CCDC91: variants seen among roughly 807,000 people sequenced by gnomAD.
CCDC91 encodes the protein coiled-coil domain containing 91, also known as coiled-coil domain-containing protein 91.
CCDC91 carries 48 observed loss-of-function variants against 63.2 expected under a neutral mutation model. The ratio of observed to expected loss-of-function variants is 0.76; its 90% confidence interval spans 0.60 to 0.97. The LOEUF (loss-of-function observed/expected upper bound fraction) is 0.97, where lower values mean the gene tolerates loss of function less well. Ranked by LOEUF, CCDC91 falls within the 50% of genes least tolerant of loss-of-function variation. CCDC91 has a pLI of 0.00. For missense variants in CCDC91, 500 were observed against 494.6 expected, an observed-to-expected ratio of 1.01 and a Z score of -0.10; for synonymous variants, 167 against 165.8, an observed-to-expected ratio of 1.01 and a Z score of -0.06.
At chr12:28,287,891 G>T (rs1165986725) in intron 3 of CCDC91, among the ~76,000 whole-genome samples, 2 of 152,106 alleles carry the variant, frequency 1.3e-5, no homozygotes, top group African/African-American at 2.4e-5. Flanking sequence ...GCAGTGTTTT[G>T]TATTTCTCAT....
At chr12:28,429,410 C>T (rs1948508377) in intron 8 of CCDC91, among the ~76,000 whole-genome samples, 1 of 152,014 alleles carries the variant, frequency 6.6e-6, no homozygotes, top group African/African-American at 2.4e-5. Flanking sequence ...TTCAATGTAC[C>T]AGGCAACATA....
At chr12:28,523,036 A>G (rs1940885144) in intron 12 of CCDC91, among the ~76,000 whole-genome samples, 1 of 152,198 alleles carries the variant, frequency 6.6e-6, no homozygotes, top group South Asian at 2.1e-4. Context: ...GTTGCTGAGA[A>G]GAATGTATAT....
At chr12:28,311,923 C>T (rs1939370995) in intron 6 of CCDC91, among the ~76,000 whole-genome samples, 1 of 152,016 alleles carries the variant, frequency 6.6e-6, no homozygotes, top group African/African-American at 2.4e-5. Context: ...ACTCACAGAA[C>T]TCACTGCTTT....
intron 12 of CCDC91, among the ~76,000 whole-genome samples, chr12:28,532,702 T>A (rs1227419395): frequency 6.6e-6 from 1 of 152,096 alleles, no homozygotes; most frequent in African/African-American, 2.4e-5. Context: ...AAACTCCATG[T>A]TTTATAACTA....
At chr12:28,325,992 T>A (rs1272016499) in intron 6 of CCDC91, among the ~76,000 whole-genome samples, 1 of 152,176 alleles carries the variant, frequency 6.6e-6, no homozygotes, top group Non-Finnish European at 1.5e-5. Context: ...AACAAGTATA[T>A]TCCTTGCATA....
At chr12:28,518,508 T>A (rs1455929019) in intron 12 of CCDC91, among the ~76,000 whole-genome samples, 2 of 152,074 alleles carry the variant, frequency 1.3e-5, no homozygotes, top group Non-Finnish European at 2.9e-5. Context: ...TCTTTGTTTT[T>A]TTCTTACTAA....
chr12:28,218,936 G>A (rs1156958631), intron 1 of CCDC91, among the ~76,000 whole-genome samples: 4 of 152,130 alleles, frequency 2.6e-5, no homozygotes, highest in Admixed American at 2.6e-4. Flanking sequence ...AGGTCTTTAT[G>A]TGGACATATG....
intron 8 of CCDC91, among the ~76,000 whole-genome samples, chr12:28,425,352 C>T (rs1299511021): frequency 6.6e-6 from 1 of 152,084 alleles, no homozygotes; most frequent in Non-Finnish European, 1.5e-5. Flanking sequence ...AGACACTTTT[C>T]CCCCTTCTCA....
chr12:28,230,798 AT>A (rs574807369), intron 1 of CCDC91, among the ~76,000 whole-genome samples: 94 of 151,782 alleles, frequency 6.2e-4, no homozygotes, highest in African/African-American at 2.2e-3. Flanking sequence ...TACATTTTGT[AT>A]TTTTTTGTAG....
chr12:28,443,015 T>C (rs1261451622), intron 8 of CCDC91, among the ~76,000 whole-genome samples: 4 of 152,006 alleles, frequency 2.6e-5, no homozygotes, highest in Non-Finnish European at 5.9e-5. Flanking sequence ...TGTATATGGA[T>C]TGTATGTTAT....
At chr12:28,325,847 ATAT>A (rs1449734470) in intron 6 of CCDC91, among the ~76,000 whole-genome samples, 1 of 152,038 alleles carries the variant, frequency 6.6e-6, no homozygotes, top group Non-Finnish European at 1.5e-5. Flanking sequence ...TATTTAGGAA[ATAT>A]TATTCTATTT....
At chr12:28,303,296 C>T (rs149235812) in intron 3 of CCDC91, among the ~76,000 whole-genome samples, 2 of 152,164 alleles carry the variant, frequency 1.3e-5, no homozygotes, top group South Asian at 2.1e-4. Context: ...TAGTATGGTA[C>T]TAGCTAGTAT....
At chr12:28,490,136 A>G (rs186778639) in intron 12 of CCDC91, among the ~76,000 whole-genome samples, 1 of 151,934 alleles carries the variant, frequency 6.6e-6, no homozygotes, top group East Asian at 1.9e-4. Context: ...CGCTTTCCTG[A>G]CATTTCCCAT....
chr12:28,468,781 A>G (rs773732085), intron 11 of CCDC91, among the ~76,000 whole-genome samples: 3 of 152,132 alleles, frequency 2.0e-5, no homozygotes, highest in Non-Finnish European at 4.4e-5. Context: ...AGGACGGTTA[A>G]CAAATGCAAG....
intron 12 of CCDC91, among the ~76,000 whole-genome samples, chr12:28,542,095 T>C (rs1942669695): frequency 6.6e-6 from 1 of 152,128 alleles, no homozygotes; most frequent in African/African-American, 2.4e-5. Flanking sequence ...TTCAAATTCA[T>C]TAAACTTTAC....
At chr12:28,230,886 A>G (rs1324578519) in intron 1 of CCDC91, among the ~76,000 whole-genome samples, 1 of 152,130 alleles carries the variant, frequency 6.6e-6, no homozygotes, top group Non-Finnish European at 1.5e-5. Flanking sequence ...CCACATCCCA[A>G]AGTGCTGGGA....
chr12:28,202,518 GGTTA>G (rs1285290291), intron 1 of CCDC91, among the ~76,000 whole-genome samples: 1 of 152,194 alleles, frequency 6.6e-6, no homozygotes, highest in African/African-American at 2.4e-5. Context: ...GTCTCTGCAT[GGTTA>G]GTACTGGACA....
At chr12:28,263,707 T>G (rs550735122) in intron 3 of CCDC91, among the ~76,000 whole-genome samples, 2 of 152,186 alleles carry the variant, frequency 1.3e-5, no homozygotes, top group African/African-American at 4.8e-5. Context: ...CATCTCTTTA[T>G]GTCTATGTTA....
intron 3 of CCDC91, among the ~76,000 whole-genome samples, chr12:28,297,735 T>A (rs1001659852): frequency 6.6e-6 from 1 of 151,808 alleles, no homozygotes; most frequent in Non-Finnish European, 1.5e-5. Flanking sequence ...AGGACTGACA[T>A]TACACGATTT....
Sources: gnomAD v4.1 joint callset for allele counts (sites outside exome capture counted in the v4.1 genomes callset) on GRCh38, gnomAD v4.1.1 for gene constraint, MANE v1.5 for transcripts, NCBI Gene and HGNC (gene_info 2026-07-23, HGNC 2026-07-21) for gene names.